The following CDH12 variants were observed in gnomAD, a reference collection of about 807,000 sequenced individuals.
The protein encoded by CDH12 is cadherin-12.
A neutral mutation model predicts 74.1 loss-of-function variants in CDH12; 41 were observed. That is an observed-to-expected ratio of 0.55 (90% CI 0.43 to 0.72). The LOEUF (loss-of-function observed/expected upper bound fraction) is 0.72. Among genes scored for constraint, CDH12 ranks in the 30% least tolerant of loss-of-function variants. The pLI is 0.00. For synonymous variants in CDH12, 399 were observed against 355.0 expected, an observed-to-expected ratio of 1.12 and a Z score of -1.39; for missense variants, 945 against 977.2, an observed-to-expected ratio of 0.97 and a Z score of 0.44.
intron 1 of CDH12, among the ~76,000 whole-genome samples, chr5:22,605,594 T>C (rs1213579091): frequency 1.3e-5 from 2 of 152,106 alleles, no homozygotes; most frequent in African/African-American, 2.4e-5. Flanking sequence ...GTGGCCAACA[T>C]GAAGGCCTGG....
intron 3 of CDH12, among the ~76,000 whole-genome samples, chr5:22,261,397 A>AG (rs1753506512): frequency 1.3e-5 from 2 of 151,926 alleles, no homozygotes; most frequent in Non-Finnish European, 2.9e-5. Flanking sequence ...AAGATGTACT[A>AG]GTTGTTAATA....
intron 3 of CDH12, among the ~76,000 whole-genome samples, chr5:22,249,831 A>ATTTTT: frequency 6.6e-6 from 1 of 151,556 alleles, no homozygotes; most frequent in Non-Finnish European, 1.5e-5. Context: ...GTTGTATTGC[A>ATTTTT]TATTTTAATT....
intron 3 of CDH12, among the ~76,000 whole-genome samples, chr5:22,333,298 C>A (rs991326246): frequency 6.6e-6 from 1 of 151,976 alleles, no homozygotes. Flanking sequence ...GGTAACAACA[C>A]ACACTGGGGC....
intron 6 of CDH12, among the ~76,000 whole-genome samples, chr5:21,870,891 C>T (rs1751583331): frequency 6.6e-6 from 1 of 152,020 alleles, no homozygotes; most frequent in Admixed American, 6.6e-5. Flanking sequence ...GCTACCACAC[C>T]CAGCTAATAT....
intron 4 of CDH12, chr5:22,142,405 T>C: frequency 1.9e-6 from 1 of 538,638 alleles, no homozygotes; most frequent in South Asian, 1.6e-5. Flanking sequence ...AAAAACATAA[T>C]TTCTTAAATC....
At chr5:22,731,992 A>C (rs1744450477) in intron 1 of CDH12, among the ~76,000 whole-genome samples, 1 of 151,942 alleles carries the variant, frequency 6.6e-6, no homozygotes, top group South Asian at 2.1e-4. Context: ...ACCCTGAGAG[A>C]AACTAAGGGT....
chr5:22,738,586 G>T (rs1409123695), intron 1 of CDH12, among the ~76,000 whole-genome samples: 1 of 151,890 alleles, frequency 6.6e-6, no homozygotes, highest in East Asian at 1.9e-4. Flanking sequence ...TTTGGAGATT[G>T]GTAATCCTTC....
intron 6 of CDH12, chr5:21,882,990 G>C: frequency 6.3e-7 from 1 of 1,591,262 alleles, no homozygotes; most frequent in East Asian, 2.2e-5. Flanking sequence ...GATTAGCAAA[G>C]GTGCTAATCC....
intron 1 of CDH12, among the ~76,000 whole-genome samples, chr5:22,824,768 G>A (rs1326113621): frequency 7.3e-5 from 11 of 151,680 alleles, no homozygotes; most frequent in Admixed American, 2.0e-4. Context: ...TATGTCAGCA[G>A]TTACAGTCTA....
At chr5:21,883,116 G>T in intron 6 of CDH12, 1 of 1,585,492 alleles carries the variant, frequency 6.3e-7, no homozygotes. Flanking sequence ...TATGATTTCT[G>T]CAAATGGAGA....
At chr5:21,883,052 A>G in intron 6 of CDH12, 2 of 1,610,690 alleles carry the variant, frequency 1.2e-6, no homozygotes, top group Non-Finnish European at 1.7e-6. Context: ...TAATTGCTGA[A>G]CTTAAAAAGC....
At chr5:21,898,557 C>T (rs1753233003) in intron 6 of CDH12, among the ~76,000 whole-genome samples, 1 of 151,904 alleles carries the variant, frequency 6.6e-6, no homozygotes, top group Admixed American at 6.6e-5. Context: ...AAAAAATTAG[C>T]TGGGCGTGGT....
chr5:22,548,423 G>T (rs528898253), intron 1 of CDH12, among the ~76,000 whole-genome samples: 1 of 152,198 alleles, frequency 6.6e-6, no homozygotes, highest in African/African-American at 2.4e-5. Context: ...TACGTACCTA[G>T]AAATACAATA....
intron 6 of CDH12, among the ~76,000 whole-genome samples, chr5:21,965,481 G>A (rs1251941202): frequency 1.3e-5 from 2 of 151,820 alleles, no homozygotes; most frequent in Non-Finnish European, 2.9e-5. Flanking sequence ...AAATTAACAT[G>A]GTTGACAGTT....
intron 1 of CDH12, among the ~76,000 whole-genome samples, chr5:22,518,737 G>A (rs1025041242): frequency 3.3e-5 from 5 of 152,084 alleles, no homozygotes; most frequent in Non-Finnish European, 5.9e-5. Context: ...AATAGTCAAC[G>A]ACAATGGCAT....
intron 10 of CDH12, among the ~76,000 whole-genome samples, chr5:21,797,437 C>T (rs186082275): frequency 1.3e-5 from 2 of 152,204 alleles, no homozygotes; most frequent in East Asian, 3.9e-4. Flanking sequence ...ATGCCTCATA[C>T]CCCATGTTTC....
At chr5:22,785,676 C>A (rs1159782722) in intron 1 of CDH12, among the ~76,000 whole-genome samples, 1 of 152,070 alleles carries the variant, frequency 6.6e-6, no homozygotes, top group East Asian at 1.9e-4. Flanking sequence ...TGTCACTACA[C>A]CTGGCTAATT....
In CDH12 at chr5:22,797,954, T is replaced by G. The variant is rs557895367; in HGVS notation, c.-523+55104A>C. 4.2e-4 allele frequency among the ~76,000 whole-genome samples: 64 copies of G among 152,338 alleles called. 1 individual carries two copies. The highest frequency in any genetic ancestry group is 1.5e-3 in the African/African-American group (64 of 41,590). On this transcript the variant is annotated intron_variant, in intron 1 of 14. Coordinates refer to ENST00000382254, the MANE Select transcript of CDH12 (RefSeq NM_004061.5). The stretch of plus-strand genomic sequence containing the variant: ...TTTGGTACAGTACCATAGTTACTGT[T>G]ATTTCAGTGTTATTTCTTGTTGAAC...
At chr5:22,147,310 C>T (rs1440769208) in intron 4 of CDH12, among the ~76,000 whole-genome samples, 7 of 152,094 alleles carry the variant, frequency 4.6e-5, no homozygotes, top group Non-Finnish European at 1.0e-4. Flanking sequence ...ATAATGCATT[C>T]TTGTTCCCTT....
Sources: gnomAD v4.1 joint callset for allele counts (sites outside exome capture counted in the v4.1 genomes callset) on GRCh38, gnomAD v4.1.1 for gene constraint, MANE v1.5 for transcripts, NCBI Gene and HGNC (gene_info 2026-07-23, HGNC 2026-07-21) for gene names.